Variants in PTPRU observed in about 807,000 individuals in gnomAD.
PTPRU encodes the protein receptor-type tyrosine-protein phosphatase U.
PTPRU carries 69 observed loss-of-function variants against 166.3 expected under a neutral mutation model. The observed-to-expected ratio is 0.41, with a 90% CI of 0.34 to 0.51. PTPRU has a LOEUF of 0.51. Among genes scored for constraint, PTPRU ranks in the 20% least tolerant of loss-of-function variants. PTPRU has a pLI of 0.09. For missense variants in PTPRU, 1,657 were observed against 2,013.7 expected (o/e 0.82, Z 3.39); for synonymous variants, 793 against 814.0 (o/e 0.97, Z 0.44).
chr1:29,258,254 C>T (rs571399521), intron 2 of PTPRU, among the ~76,000 whole-genome samples: 10 of 152,330 alleles, frequency 6.6e-5, no homozygotes, highest in East Asian at 1.9e-4. Context: ...CGTGAGCCAC[C>T]GCGCCCAGCC....
Position 29,282,704 on chromosome 1 carries a change from C to A in PTPRU, c.1897C>A (p.Arg633=), listed in dbSNP as rs757579431. The A allele has an allele frequency of 1.9e-6, 3 of 1,612,888 alleles. No individual in the cohort carries two copies. The highest frequency in any genetic ancestry group is 2.5e-6 in the Non-Finnish European group (3 of 1,179,892). ...GTACCAGGTGATTGTGGAGGAGGAG[C>A]GGGCGCGGAGGCTGCGGCGGGAGCC... ...SVYQVIVEEE[R]ARRLRREPGG... The change falls in exon 12 of 30, where the codon CGG becomes AGG. Residue 633 remains arginine (R), a synonymous_variant. Transcript: ENST00000373779.
chr1:29,316,248 C>T (rs1383907123), intron 24 of PTPRU, 97 bp downstream of exon 24: 1 of 1,394,924 alleles, frequency 7.2e-7, no homozygotes, highest in East Asian at 2.5e-5. Context: ...GGCCAAGAAG[C>T]AGGGACCAGC....
In PTPRU at chr1:29,259,470, G is replaced by T. The variant is rs764668369; in HGVS notation, c.581G>T (p.Arg194Leu). The T allele has an allele frequency of 1.2e-6, 2 of 1,612,042 alleles. No homozygotes were observed. The highest frequency in any genetic ancestry group is 1.7e-6 in the Non-Finnish European group (2 of 1,178,812). ...GCAGCAAAGGCCCCACACTTCTCCC[G>T]CCTGGGCGACGTGGAGGTCAACGCG... The part of the protein sequence containing the change: ...YPCAKAPHFS[R>L]LGDVEVNAGQ... The change falls in exon 5 of 30, where the codon CGC (arginine) becomes CTC (leucine). Residue 194 changes from arginine (R) to leucine (L), a missense_variant. Arg to Leu is a moderately radical substitution (Grantham distance 102, BLOSUM62 -2). This residue lies in a region of PTPRU where 453 missense variants were observed against 496.9 expected (regional missense o/e 0.91). Transcript: ENST00000373779.
Position 29,305,300 on chromosome 1 carries a change from C to G in PTPRU, c.2744-52C>G, listed in dbSNP as rs142601506. The G allele has an allele frequency of 5.3e-5, 83 of 1,565,682 alleles. No individual in the cohort carries two copies. The African/African-American group carries it at 1.0e-3, about 19-fold the overall frequency. On this transcript the variant is annotated intron_variant, in intron 17 of 29. Coordinates refer to ENST00000373779, the MANE Select transcript of PTPRU (RefSeq NM_133178.4). Reference sequence around the variant, plus strand: ...CCTCCAGGAATCCCTCCCTGACTGCCTAGCTCTGGGCTCCCCAGTTCAGCC... The same window carrying G: ...CCTCCAGGAATCCCTCCCTGACTGCGTAGCTCTGGGCTCCCCAGTTCAGCC...
At chr1:29,246,233 AAACGCTG>A (rs1558544737) in intron 1 of PTPRU, among the ~76,000 whole-genome samples, 3 of 152,248 alleles carry the variant, frequency 2.0e-5, no homozygotes, top group African/African-American at 7.2e-5. Flanking sequence ...ACTGCTGCTG[AAACGCTG>A]CCCCTATGGT....
intron 14 of PTPRU, chr1:29,289,698 C>A: frequency 6.2e-7 from 1 of 1,614,056 alleles, no homozygotes; most frequent in Non-Finnish European, 8.5e-7. Context: ...ACCACTATGC[C>A]TACTCCTACT....
At chr1:29,298,597 G>T (rs1480939619) in intron 15 of PTPRU, among the ~76,000 whole-genome samples, 3 of 152,230 alleles carry the variant, frequency 2.0e-5, no homozygotes, top group African/African-American at 7.2e-5. Context: ...AAAACCCTCA[G>T]ATCCTCCTGG....
At position 29,315,484 on chromosome 1, in the gene PTPRU, C is replaced by A; in HGVS notation, c.3340C>A (p.Arg1114Ser). ...CTGTGTGAAGACTCTCTGCTCCCGG[C>A]GTGTCAACATGATCCAGACTGAGGT... ...YNCVKTLCSR[R>S]VNMIQTEEQY... Residue 1114 changes from arginine to serine, a missense_variant, in exon 23 of 30, where the codon CGT (arginine) becomes AGT (serine). By Grantham distance (110) the Arg-to-Ser change is moderately radical. Around this residue, in one of 3 missense-constraint regions of PTPRU, gnomAD observed 1,190 missense variants for 1,477.4 expected, o/e 0.81. Coordinates refer to ENST00000373779, the MANE Select transcript of PTPRU (RefSeq NM_133178.4). This position sits in a 1 kb window ranked among gnomAD's most constrained non-coding sequence, Gnocchi z 4.5. 1 of 1,614,076 alleles carries A rather than the reference C, an allele frequency of 6.2e-7. No homozygotes were observed. The highest frequency in any genetic ancestry group is 1.7e-5 in the Admixed American group (1 of 60,012).
Position 29,326,708 on chromosome 1 carries a change from T to C in PTPRU, c.*1047T>C, listed in dbSNP as rs1688428715. The C allele has an allele frequency of 6.6e-6, 1 of 152,260 alleles. No individual in the cohort carries two copies. Among genetic ancestry groups the C allele is most frequent in the African/African-American group, 2.4e-5 (1 of 41,434 alleles). 9.4% of individuals were successfully genotyped at this position (152,260 alleles called of 1,614,324 possible). A position where few individuals can be genotyped will look rare whatever the true frequency, so the allele number is the denominator to read the frequency against. ...AATTTCCCCATCTGTAAACTGTAGA[T>C]ATGACTACTGACCTACCTCGCAGGG... is the stretch of plus-strand genomic sequence containing the variant. On this transcript the variant is annotated 3_prime_UTR_variant, in exon 30 of 30. Transcript: ENST00000373779.
At chr1:29,245,783 G>A (rs1023769549) in intron 1 of PTPRU, among the ~76,000 whole-genome samples, 19 of 152,178 alleles carry the variant, frequency 1.2e-4, no homozygotes, top group African/African-American at 4.1e-4. Flanking sequence ...GTTTCTGGGC[G>A]GAGCTGCTCA....
At chr1:29,245,541 G>A (rs1114123) in intron 1 of PTPRU, among the ~76,000 whole-genome samples, 51,514 of 151,968 alleles carry the variant, frequency 0.34, 10,609 homozygotes, top group Non-Finnish European at 0.46. Flanking sequence ...CAGCCTCCTT[G>A]CACAGCCCTG....
intron 15 of PTPRU, among the ~76,000 whole-genome samples, chr1:29,303,309 T>TC (rs1260997978): frequency 1.3e-5 from 2 of 152,052 alleles, no homozygotes; most frequent in African/African-American, 4.8e-5. Flanking sequence ...CTCCACCCAC[T>TC]CCCCCACTGG....
At chr1:29,310,504 T>TAAAG (rs1420298750) in intron 18 of PTPRU, among the ~76,000 whole-genome samples, 1 of 152,132 alleles carries the variant, frequency 6.6e-6, no homozygotes, top group Non-Finnish European at 1.5e-5. Flanking sequence ...ATGTCCTCCC[T>TAAAG]GGGGTTGCAC....
chr1:29,304,853 A>G lies in PTPRU; in HGVS notation c.2743+4A>G. 1 of 1,607,352 alleles carries G rather than the reference A, an allele frequency of 6.2e-7. No homozygotes were observed. Among genetic ancestry groups the G allele is most frequent in the Non-Finnish European group, 8.5e-7 (1 of 1,174,672 alleles). ...CGGCAGGAGCCAATGCCTGCCTGTG[A>G]GTCCTGGGGAAGGGCCTGGGGTCCA... On this transcript the variant is annotated splice_donor_region_variant and intron_variant, in intron 17 of 29. Transcript: ENST00000373779.
intron 1 of PTPRU, among the ~76,000 whole-genome samples, chr1:29,251,136 C>T (rs1684525676): frequency 6.6e-6 from 1 of 152,166 alleles, no homozygotes; most frequent in Non-Finnish European, 1.5e-5. Flanking sequence ...GCCTATAATT[C>T]CAGCTACTTT....
chr1:29,314,219 G>A (rs770564615), intron 22 of PTPRU, among the ~76,000 whole-genome samples: 4 of 152,216 alleles, frequency 2.6e-5, no homozygotes, highest in African/African-American at 7.2e-5. Flanking sequence ...ACATTCGATC[G>A]TATGTCTTTT....
chr1:29,315,472 C>T lies in PTPRU; in HGVS notation c.3328C>T (p.Leu1110Phe). The T allele has an allele frequency of 6.2e-7, 1 of 1,614,064 alleles. No homozygotes were observed. The highest frequency in any genetic ancestry group is 1.1e-5 in the South Asian group (1 of 91,078). ...VVDIYNCVKT[L>F]CSRRVNMIQT... is the part of the protein sequence containing the mutation. ...GGACATTTACAACTGTGTGAAGACT[C>T]TCTGCTCCCGGCGTGTCAACATGAT... Residue 1110 changes from leucine (L) to phenylalanine (F), a missense_variant, in exon 23 of 30, where the codon CTC becomes TTC. Physicochemically the swap from Leu to Phe is conservative, Grantham distance 22. Coordinates refer to ENST00000373779, the MANE Select transcript of PTPRU (RefSeq NM_133178.4). This position sits in a 1 kb window ranked among gnomAD's most constrained non-coding sequence, Gnocchi z 4.5.
chr1:29,259,480 C>T lies in PTPRU; in HGVS notation c.591C>T (p.Asp197=), dbSNP rs773730619. The T allele has an allele frequency of 1.3e-5, 21 of 1,611,460 alleles. No individual in the cohort carries two copies. Among genetic ancestry groups the T allele is most frequent in the Non-Finnish European group, 1.7e-5 (20 of 1,178,696 alleles). The change falls in exon 5 of 30, where the codon GAC becomes GAT. Residue 197 remains aspartate, a synonymous_variant. Coordinates refer to ENST00000373779, the MANE Select transcript of PTPRU (RefSeq NM_133178.4). The stretch of plus-strand genomic sequence containing the variant: ...CCCCACACTTCTCCCGCCTGGGCGA[C>T]GTGGAGGTCAACGCGGGCCAGAACG... The part of the protein sequence containing the change: ...AKAPHFSRLG[D]VEVNAGQNAS...
chr1:29,303,966 C>A lies in PTPRU; in HGVS notation c.2588C>A (p.Ala863Glu). 1 of 1,613,812 alleles carries A rather than the reference C, an allele frequency of 6.2e-7. No individual in the cohort carries two copies. Among genetic ancestry groups the A allele is most frequent in the Non-Finnish European group, 8.5e-7 (1 of 1,179,826 alleles). The change falls in exon 16 of 30, where the codon GCG (alanine) becomes GAG (glutamate). Residue 863 changes from alanine to glutamate, a missense_variant. Physicochemically the swap from Ala to Glu is moderately radical, Grantham distance 107 (BLOSUM62 -1). This residue lies in a region of PTPRU where 1,190 missense variants were observed against 1,477.4 expected (regional missense o/e 0.81). Coordinates refer to ENST00000373779, the MANE Select transcript of PTPRU (RefSeq NM_133178.4). The stretch of plus-strand genomic sequence containing the variant: ...TACCACACGGGGCAGCTGCACCCTG[C>A]GGTGCGTGTCGCAGACCTTCTGCAG... The part of the protein sequence containing the change: ...SPYHTGQLHP[A>E]VRVADLLQHI...
Sources: allele counts gnomAD v4.1 joint callset (sites outside exome capture counted in the v4.1 genomes callset), GRCh38; gene constraint gnomAD v4.1.1; regional missense constraint gnomAD v4.1.1; non-coding constraint Gnocchi (gnomAD v3.1); transcripts MANE v1.5; gene names NCBI Gene and HGNC (gene_info 2026-07-23, HGNC 2026-07-21).